The following ETV6 variants were observed in gnomAD, a reference collection of about 807,000 sequenced individuals.
ETV6 encodes ETS variant transcription factor 6.
Under a neutral mutation model 51.1 loss-of-function variants are expected in ETV6, and 16 were observed. That is an observed-to-expected ratio of 0.31 (90% CI 0.21 to 0.48). The LOEUF (loss-of-function observed/expected upper bound fraction) is 0.48, where lower values mean the gene tolerates loss of function less well. Among genes scored for constraint, ETV6 ranks in the 20% least tolerant of loss-of-function variants. The pLI is 0.99. For missense variants in ETV6, 458 were observed against 594.8 expected (o/e 0.77, Z 2.39); for synonymous variants, 240 against 224.1 (o/e 1.07, Z -0.64).
chr12:11,719,179 G>A lies in ETV6; in HGVS notation c.34-33271G>A, dbSNP rs769764420. ...ACTGAAGCCTGCACCACGGGGAGCC[G>A]TATACTGGAGTCTGGAATCCATTTG... On this transcript the variant is annotated intron_variant, in intron 1 of 7. Coordinates refer to ENST00000396373, the MANE Select transcript of ETV6 (RefSeq NM_001987.5). Among the ~76,000 whole-genome samples the A allele has an allele frequency of 2.0e-5, 3 of 152,316 alleles. 1 individual carries two copies. The highest frequency in any genetic ancestry group is 4.1e-4 in the South Asian group (2 of 4,832).
At chr12:11,713,427 GA>G (rs1310435751) in intron 1 of ETV6, among the ~76,000 whole-genome samples, 2 of 152,130 alleles carry the variant, frequency 1.3e-5, no homozygotes, top group Non-Finnish European at 2.9e-5. Flanking sequence ...TTGTTTCCAT[GA>G]AGTCTCATAG....
intron 1 of ETV6, among the ~76,000 whole-genome samples, chr12:11,673,337 A>G (rs924194496): frequency 6.6e-6 from 1 of 152,196 alleles, no homozygotes; most frequent in African/African-American, 2.4e-5. Flanking sequence ...CTGGATGACT[A>G]TTGAGGGAGG....
chr12:11,724,543 T>C (rs540701823), intron 1 of ETV6, among the ~76,000 whole-genome samples: 1 of 152,316 alleles, frequency 6.6e-6, no homozygotes, highest in South Asian at 2.1e-4. Flanking sequence ...CTCTGCTAGA[T>C]ACTAGCAGAG....
intron 1 of ETV6, among the ~76,000 whole-genome samples, chr12:11,712,066 G>A (rs564165645): frequency 2.0e-5 from 3 of 152,170 alleles, no homozygotes; most frequent in East Asian, 1.9e-4. Context: ...AGGAAGCCTC[G>A]TGAAAACAAA....
intron 1 of ETV6, 105 bp downstream of exon 1, chr12:11,650,265 C>G: frequency 1.0e-6 from 1 of 1,002,136 alleles, no homozygotes; most frequent in Admixed American, 1.7e-5. Context: ...TTGCTCTGTT[C>G]GCAGGAAATT....
chr12:11,862,553 C>T (rs527317315), intron 4 of ETV6, among the ~76,000 whole-genome samples: 18 of 152,292 alleles, frequency 1.2e-4, no homozygotes, highest in African/African-American at 2.6e-4. Flanking sequence ...ACTCTCTTCT[C>T]GTTTCTGGTG....
chr12:11,704,126 G>T (rs143707435), intron 1 of ETV6, among the ~76,000 whole-genome samples: 1 of 152,250 alleles, frequency 6.6e-6, no homozygotes, highest in African/African-American at 2.4e-5. Context: ...CCGTTCCAAG[G>T]TAAGCACCGT....
At chr12:11,800,241 A>G (rs534954836) in intron 2 of ETV6, among the ~76,000 whole-genome samples, 1 of 151,726 alleles carries the variant, frequency 6.6e-6, no homozygotes, top group Admixed American at 6.6e-5. Flanking sequence ...CATCCATCTC[A>G]CCTCCCATCC....
At chr12:11,856,139 G>A (rs1041581921) in intron 4 of ETV6, among the ~76,000 whole-genome samples, 1 of 152,152 alleles carries the variant, frequency 6.6e-6, no homozygotes, top group Non-Finnish European at 1.5e-5. Context: ...AGCAGTAGGT[G>A]TGTTTGTTGT....
intron 3 of ETV6, among the ~76,000 whole-genome samples, chr12:11,846,966 G>A (rs771440227): frequency 2.6e-5 from 4 of 152,166 alleles, no homozygotes; most frequent in African/African-American, 7.2e-5. Context: ...TCCACCTTCC[G>A]GGTTCACGCC....
intron 2 of ETV6, among the ~76,000 whole-genome samples, chr12:11,829,222 G>A (rs983019004): frequency 1.8e-4 from 27 of 152,224 alleles, no homozygotes; most frequent in African/African-American, 5.1e-4. Context: ...CTGGAGACAC[G>A]GGACAAAGTA....
At chr12:11,839,681 A>G (rs1946363688) in intron 3 of ETV6, among the ~76,000 whole-genome samples, 1 of 152,172 alleles carries the variant, frequency 6.6e-6, no homozygotes, top group African/African-American at 2.4e-5. Context: ...GGAGTTTGAG[A>G]CCAGCCTGGG....
At chr12:11,724,185 A>G (rs1203576400) in intron 1 of ETV6, among the ~76,000 whole-genome samples, 1 of 152,204 alleles carries the variant, frequency 6.6e-6, no homozygotes, top group East Asian at 1.9e-4. Context: ...TTACTCTTGC[A>G]GCTCAGGTTT....
chr12:11,785,677 G>A (rs1431212080), intron 2 of ETV6, among the ~76,000 whole-genome samples: 1 of 152,126 alleles, frequency 6.6e-6, no homozygotes, highest in Non-Finnish European at 1.5e-5. Context: ...ATTTCCATGT[G>A]TGCCTTTTTG....
chr12:11,799,160 G>A (rs1394746875), intron 2 of ETV6, among the ~76,000 whole-genome samples: 1 of 152,176 alleles, frequency 6.6e-6, no homozygotes. Context: ...AGAGGAGACA[G>A]CTACCCACAG....
At chr12:11,668,783 T>A (rs2724590) in intron 1 of ETV6, among the ~76,000 whole-genome samples, 8 of 152,050 alleles carry the variant, frequency 5.3e-5, no homozygotes, top group South Asian at 2.1e-4. Context: ...CCAGGTGTGC[T>A]ACCTCTGTTA....
chr12:11,885,816 A>T, intron 6 of ETV6, 110 bp from the exon 7 acceptor site: 1 of 735,258 alleles, frequency 1.4e-6, no homozygotes, highest in Non-Finnish European at 2.3e-6. Context: ...GCAGGGCCAC[A>T]GGCAGCAGCT....
intron 2 of ETV6, among the ~76,000 whole-genome samples, chr12:11,816,435 CG>C (rs1194778026): frequency 6.6e-6 from 1 of 151,998 alleles, no homozygotes; most frequent in African/African-American, 2.4e-5. Context: ...TTGGTAGAGA[CG>C]GGGGTTTCAC....
At chr12:11,790,147 T>C (rs945420710) in intron 2 of ETV6, among the ~76,000 whole-genome samples, 5 of 152,190 alleles carry the variant, frequency 3.3e-5, no homozygotes, top group Non-Finnish European at 7.3e-5. Context: ...CAAGTACTTT[T>C]TTTGTTCGAC....
Sources: allele counts gnomAD v4.1 joint callset (sites outside exome capture counted in the v4.1 genomes callset), GRCh38; gene constraint gnomAD v4.1.1; transcripts MANE v1.5; gene names NCBI Gene and HGNC (gene_info 2026-07-23, HGNC 2026-07-21).